Variants in CUX2 observed in about 807,000 individuals in gnomAD.
CUX2 encodes the protein cut like homeobox 2, also known as homeobox protein cut-like 2.
In CUX2, 40 loss-of-function variants were observed where a neutral mutation model predicts 144.8. The ratio of observed to expected loss-of-function variants is 0.28; its 90% CI spans 0.21 to 0.36. The LOEUF (loss-of-function observed/expected upper bound fraction) is 0.36. Among genes scored for constraint, CUX2 ranks in the 10% least tolerant of loss-of-function variants. CUX2 has a pLI of 1.00. For synonymous variants in CUX2, 827 were observed against 875.6 expected, an observed-to-expected ratio of 0.94 and a Z score of 0.98; for missense variants, 1,615 against 1,994.0, an observed-to-expected ratio of 0.81 and a Z score of 3.62.
At chr12:111,107,900 A>C (rs1280745000) in intron 1 of CUX2, among the ~76,000 whole-genome samples, 1 of 152,202 alleles carries the variant, frequency 6.6e-6, no homozygotes, top group East Asian at 1.9e-4. Context: ...CAACACAATT[A>C]CAAAGTCAGA....
In CUX2 at chr12:111,059,007, C is replaced by G. The variant is rs562847834; in HGVS notation, c.63+24767C>G. ...GCAAAATTAGGAATCCCTTTGTTCT[C>G]CAAATATTGGGATATCTGGACACTC... On this transcript the variant is annotated intron_variant, in intron 1 of 21. Transcript: ENST00000261726. This position sits in a 1 kb window ranked among gnomAD's most constrained non-coding sequence, Gnocchi z 5.3. 3.9e-5 allele frequency among the ~76,000 whole-genome samples: 6 copies of G among 152,316 alleles called. No homozygotes were observed. Among genetic ancestry groups the G allele is most frequent in the African/African-American group, 1.4e-4 (6 of 41,558 alleles).
intron 4 of CUX2, among the ~76,000 whole-genome samples, chr12:111,291,065 A>G (rs1010300356): frequency 6.6e-6 from 1 of 151,810 alleles, no homozygotes; most frequent in Non-Finnish European, 1.5e-5. Flanking sequence ...GGGTTTCACC[A>G]TGTTGGTCAG....
intron 1 of CUX2, chr12:111,100,185 G>GTGTGTGTGTGTGTGTGTA: frequency 2.8e-6 from 1 of 362,624 alleles, no homozygotes; most frequent in Non-Finnish European, 5.5e-6. Context: ...CTGTGACTGT[G>GTGTGTGTGTGTGTGTGTA]TGTGTGTGTG....
chr12:111,348,363 T>C lies in CUX2; in HGVS notation c.*38T>C. Reference sequence around the variant, plus strand: ...GGGGCAAGGGACATACCCTGGTAACTACCTTCCTTCTCGCACTTACTCTCC... The same window carrying C: ...GGGGCAAGGGACATACCCTGGTAACCACCTTCCTTCTCGCACTTACTCTCC... On this transcript the variant is annotated 3_prime_UTR_variant, in exon 22 of 22. Coordinates refer to ENST00000261726, the MANE Select transcript of CUX2 (RefSeq NM_015267.4). 6.4e-7 allele frequency: 1 copy of C among 1,557,850 alleles called. No homozygotes were observed. The highest frequency in any genetic ancestry group is 8.7e-7 in the Non-Finnish European group (1 of 1,142,902).
chr12:111,062,922 G>C (rs1348444279), intron 1 of CUX2, among the ~76,000 whole-genome samples: 1 of 152,158 alleles, frequency 6.6e-6, no homozygotes, highest in Non-Finnish European at 1.5e-5. Flanking sequence ...CAGGGTGAAG[G>C]GCAGATAGGC....
At position 111,348,651 on chromosome 12, in the gene CUX2, CT is replaced by C; in HGVS notation, c.*330del. ...AAAATAAATAAATATTTATAGACCT[CT>C]TTTAGATATTTTAATAAAGGATCCT... On this transcript the variant is annotated 3_prime_UTR_variant, in exon 22 of 22. Coordinates refer to ENST00000261726, the MANE Select transcript of CUX2 (RefSeq NM_015267.4). 4.4e-6 allele frequency: 1 copy of C among 228,636 alleles called. No individual in the cohort carries two copies. Among genetic ancestry groups the C allele is most frequent in the Non-Finnish European group, 8.5e-6 (1 of 117,858 alleles). The allele number at this position is 228,636 out of a possible 1,614,324, so 14.2% of individuals were successfully genotyped here. A position where few individuals can be genotyped will look rare whatever the true frequency, so the allele number is the denominator to read the frequency against.
At chr12:111,051,796 T>C (rs1870279807) in intron 1 of CUX2, among the ~76,000 whole-genome samples, 1 of 152,188 alleles carries the variant, frequency 6.6e-6, no homozygotes, top group Non-Finnish European at 1.5e-5. Context: ...ATCTTTTTGT[T>C]CCTCTATTTC....
chr12:111,197,578 C>A (rs1445085883), intron 1 of CUX2, among the ~76,000 whole-genome samples: 2 of 152,196 alleles, frequency 1.3e-5, no homozygotes, highest in African/African-American at 4.8e-5. Context: ...GAAAACAACA[C>A]CCTCCTTCAG....
At chr12:111,200,098 C>T (rs1880488041) in intron 1 of CUX2, among the ~76,000 whole-genome samples, 1 of 151,942 alleles carries the variant, frequency 6.6e-6, no homozygotes, top group African/African-American at 2.4e-5. Context: ...AAGCTTTTGC[C>T]TGTGTTGTTT....
chr12:111,122,797 G>A (rs75484021), intron 1 of CUX2, among the ~76,000 whole-genome samples: 3,482 of 152,244 alleles, frequency 0.023, 127 homozygotes, highest in African/African-American at 0.079. Context: ...TTTGATATGG[G>A]GACACAAGTC....
At chr12:111,062,952 G>A (rs1039313723) in intron 1 of CUX2, among the ~76,000 whole-genome samples, 1 of 152,182 alleles carries the variant, frequency 6.6e-6, no homozygotes, top group Non-Finnish European at 1.5e-5. Flanking sequence ...CTGAGAAGCA[G>A]GGGACAGGGC....
At chr12:111,122,761 C>T (rs573512227) in intron 1 of CUX2, among the ~76,000 whole-genome samples, 18 of 152,264 alleles carry the variant, frequency 1.2e-4, no homozygotes, top group Non-Finnish European at 1.8e-4. Context: ...AAACAGCCAC[C>T]GGCTAGTTGC....
intron 4 of CUX2, among the ~76,000 whole-genome samples, chr12:111,280,477 C>A (rs534943365): frequency 6.6e-6 from 1 of 152,158 alleles, no homozygotes; most frequent in South Asian, 2.1e-4. Context: ...GGATTTTGGA[C>A]CTCCAGCCTC....
At chr12:111,176,036 CTTCTTT>C (rs1343390135) in intron 1 of CUX2, among the ~76,000 whole-genome samples, 3 of 120,504 alleles carry the variant, frequency 2.5e-5, no homozygotes, top group African/African-American at 9.8e-5. Context: ...TCTTCTTCTT[CTTCTTT>C]TTTTTTTTTT....
rs569192241 is a variant in CUX2, at chr12:111,097,597, A to T, written c.63+63357A>T. 1.2e-4 allele frequency among the ~76,000 whole-genome samples: 18 copies of T among 152,326 alleles called. 1 individual carries two copies. The highest frequency in any genetic ancestry group is 1.0e-3 in the South Asian group (5 of 4,822). The stretch of plus-strand genomic sequence containing the variant: ...CCGGGGCCAGATCTGGGGAGCTCCT[A>T]GATAACTAAAATGGGCTTCTGCTCT... On this transcript the variant is annotated intron_variant, in intron 1 of 21. Transcript: ENST00000261726.
intron 1 of CUX2, among the ~76,000 whole-genome samples, chr12:111,138,939 C>T (rs1197027903): frequency 6.6e-6 from 1 of 151,972 alleles, no homozygotes; most frequent in Non-Finnish European, 1.5e-5. Flanking sequence ...CTCCTGCCCC[C>T]ACCTGCTTCC....
rs1309416605 is a variant in CUX2, at chr12:111,061,794, C to T, written c.63+27554C>T. Among the ~76,000 whole-genome samples the T allele has an allele frequency of 1.3e-5, 2 of 152,204 alleles. No individual in the cohort carries two copies. Among genetic ancestry groups the T allele is most frequent in the African/African-American group, 2.4e-5 (1 of 41,442 alleles). The stretch of plus-strand genomic sequence containing the variant: ...TCTTTTTTCTGCTGTGATGGAAACA[C>T]TGTGCTTCCAGTTTTATGTACTTGG... On this transcript the variant is annotated intron_variant, in intron 1 of 21. Coordinates refer to ENST00000261726, the MANE Select transcript of CUX2 (RefSeq NM_015267.4). The surrounding 1 kb of genome is among the most constrained non-coding windows in gnomAD (Gnocchi z 4.2).
intron 1 of CUX2, among the ~76,000 whole-genome samples, chr12:111,052,608 T>C (rs764867730): frequency 1.4e-4 from 22 of 152,170 alleles, no homozygotes; most frequent in Non-Finnish European, 2.4e-4. Flanking sequence ...AGTGTGTTTC[T>C]GTGTGTGTGT....
chr12:111,225,094 TG>T (rs1477652040), intron 3 of CUX2, among the ~76,000 whole-genome samples: 1 of 151,934 alleles, frequency 6.6e-6, no homozygotes, highest in African/African-American at 2.4e-5. Flanking sequence ...TTTGTAGAGA[TG>T]GGGTTTCACC....
Sources: allele counts gnomAD v4.1 joint callset (sites outside exome capture counted in the v4.1 genomes callset), GRCh38; gene constraint gnomAD v4.1.1; non-coding constraint Gnocchi (gnomAD v3.1); transcripts MANE v1.5; gene names NCBI Gene and HGNC (gene_info 2026-07-23, HGNC 2026-07-21).